COL18A1: variants seen among roughly 807,000 people sequenced by gnomAD.
COL18A1 encodes the protein collagen alpha-1(XVIII) chain.
A neutral mutation model predicts 168.0 loss-of-function variants in COL18A1; 133 were observed. The observed-to-expected ratio is 0.79, with a 90% CI of 0.69 to 0.91. COL18A1 has a LOEUF of 0.91. Among genes scored for constraint, COL18A1 ranks in the 40% least tolerant of loss-of-function variants. The pLI, the probability that COL18A1 is intolerant of heterozygous loss-of-function variation, is 0.00. For synonymous variants in COL18A1, 949 were observed against 809.0 expected, an observed-to-expected ratio of 1.17 and a Z score of -2.94; for missense variants, 2,126 against 1,925.4, an observed-to-expected ratio of 1.10 and a Z score of -1.95.
In COL18A1 at chr21:45,463,868, G is replaced by A. The variant is rs1750137688; in HGVS notation, c.107-4374G>A. 6.6e-6 allele frequency among the ~76,000 whole-genome samples: 1 copy of A among 151,808 alleles called. No individual in the cohort carries two copies. The highest frequency in any genetic ancestry group is 1.5e-5 in the Non-Finnish European group (1 of 67,988). ...GCTGAGATTGCACCACTGTACTCCA[G>A]CCTGGGCAACAAGAGCGAAACTCCA... On this transcript the variant is annotated intron_variant, in intron 2 of 41. Coordinates refer to ENST00000651438, the MANE Select transcript of COL18A1 (RefSeq NM_001379500.1). The surrounding 1 kb of genome is among the most constrained non-coding windows in gnomAD (Gnocchi z 4.0).
intron 2 of COL18A1, among the ~76,000 whole-genome samples, chr21:45,454,729 C>T (rs2034739450): frequency 1.3e-5 from 2 of 152,242 alleles, no homozygotes; most frequent in African/African-American, 4.8e-5. Context: ...GGCACAGCAG[C>T]CACTCACATG....
At chr21:45,448,739 G>T (rs181723815) in intron 2 of COL18A1, among the ~76,000 whole-genome samples, 56 of 152,358 alleles carry the variant, frequency 3.7e-4, no homozygotes, top group African/African-American at 1.3e-3. Context: ...CTTCAGATGC[G>T]CTCCATAATG....
At chr21:45,478,113 T>C (rs1667630675) in intron 8 of COL18A1, 148 bp downstream of exon 8, 1 of 751,874 alleles carries the variant, frequency 1.3e-6, no homozygotes, top group Admixed American at 2.1e-5. Flanking sequence ...TGCTCGGGGT[T>C]GGTGCTGGAA....
At chr21:45,444,592 G>A (rs1358414065) in intron 2 of COL18A1, among the ~76,000 whole-genome samples, 2 of 152,110 alleles carry the variant, frequency 1.3e-5, no homozygotes, top group African/African-American at 2.4e-5. Flanking sequence ...TGCGAGCACC[G>A]GGGGCCAGCA....
At chr21:45,501,395 C>T (rs1047896251) in intron 32 of COL18A1, among the ~76,000 whole-genome samples, 4 of 152,228 alleles carry the variant, frequency 2.6e-5, no homozygotes, top group African/African-American at 7.2e-5. Flanking sequence ...GCATCGGGAC[C>T]GGGGTCTGCC....
chr21:45,486,863 G>T lies in COL18A1; in HGVS notation c.1704G>T (p.Gly568=). 6.5e-7 allele frequency: 1 copy of T among 1,528,834 alleles called. No homozygotes were observed. The highest frequency in any genetic ancestry group is 8.8e-7 in the Non-Finnish European group (1 of 1,139,502). 94.7% of individuals were successfully genotyped at this position (1,528,834 alleles called of 1,614,324 possible). Residue 568 remains glycine (G), a splice_region_variant and synonymous_variant, in exon 16 of 42, where the codon GGG becomes GGT. Coordinates refer to ENST00000651438, the MANE Select transcript of COL18A1 (RefSeq NM_001379500.1). ...LGEAGAPGHK[G]SKGAPGPAGA... ...CACGCTCTCCTCACCCCACGCAGGG[G>T]AGCAAGGGAGCCCCCGGTCCTGCTG...
At chr21:45,508,440 T>TGAGTGGATGGGTGGCTGGATGGTGGAC (rs1568948894) in intron 38 of COL18A1, among the ~76,000 whole-genome samples, 12 of 113,426 alleles carry the variant, frequency 1.1e-4, no homozygotes, top group African/African-American at 4.8e-4. Flanking sequence ...GGATGGTGGG[T>TGAGTGGATGGGTGGCTGGATGGTGGAC]AAGTGGGTGA....
chr21:45,511,074 A>C (rs750117038), intron 40 of COL18A1, 37 bp from the exon 41 acceptor site: 13 of 790,588 alleles, frequency 1.6e-5, no homozygotes, highest in African/African-American at 1.1e-4. Flanking sequence ...CCACACCCCC[A>C]CACACCACAC....
intron 2 of COL18A1, among the ~76,000 whole-genome samples, chr21:45,453,587 T>C (rs1185528337): frequency 6.6e-6 from 1 of 151,732 alleles, no homozygotes; most frequent in African/African-American, 2.4e-5. Context: ...GCTGTGGAGG[T>C]GCTTGGAGGT....
At chr21:45,484,460 C>T (rs945241020) in intron 15 of COL18A1, among the ~76,000 whole-genome samples, 2 of 151,456 alleles carry the variant, frequency 1.3e-5, no homozygotes, top group African/African-American at 2.4e-5. Flanking sequence ...CATGTGTGCA[C>T]ACACATGCAC....
intron 38 of COL18A1, among the ~76,000 whole-genome samples, chr21:45,508,221 GGTGGATAGTGGGTAAGTGGGTGA>G (rs1277699177): frequency 6.7e-6 from 1 of 149,208 alleles, no homozygotes; most frequent in East Asian, 2.0e-4. Context: ...TGAATGGGTG[GGTGGATAGTGGGTAAGTGGGTGA>G]GTGGATGGTG....
chr21:45,459,212 A>C (rs2034958117), intron 2 of COL18A1, among the ~76,000 whole-genome samples: 1 of 152,060 alleles, frequency 6.6e-6, no homozygotes, highest in Non-Finnish European at 1.5e-5. Flanking sequence ...TCCCCAGCCC[A>C]GGCTCCTCTT....
intron 2 of COL18A1, among the ~76,000 whole-genome samples, chr21:45,450,777 C>T (rs927555387): frequency 6.6e-6 from 1 of 152,196 alleles, no homozygotes; most frequent in Non-Finnish European, 1.5e-5. Flanking sequence ...TGCATGTGAC[C>T]TCCCCACCGC....
chr21:45,415,784 G>A lies in COL18A1; in HGVS notation c.106+10311G>A, dbSNP rs148389962. ...AGTGCCATCCAGCCCAGTGCCTGGC[G>A]CTGCAGCCGGGTGGAGCCCCAGGTG... is the stretch of plus-strand genomic sequence containing the variant. On this transcript the variant is annotated intron_variant, in intron 2 of 41. Coordinates refer to ENST00000651438, the MANE Select transcript of COL18A1 (RefSeq NM_001379500.1). 3.0e-3 allele frequency among the ~76,000 whole-genome samples: 461 copies of A among 152,360 alleles called. 2 individuals carry two copies. Among genetic ancestry groups the A allele is most frequent in the African/African-American group, 0.011 (440 of 41,594 alleles).
At chr21:45,436,610 A>G (rs796141632) in intron 2 of COL18A1, among the ~76,000 whole-genome samples, 10 of 151,958 alleles carry the variant, frequency 6.6e-5, no homozygotes, top group African/African-American at 2.2e-4. Context: ...GGATGGCGGG[A>G]AAGTGCCCCA....
chr21:45,452,583 G>A (rs948475044), intron 2 of COL18A1, among the ~76,000 whole-genome samples: 1 of 151,750 alleles, frequency 6.6e-6, no homozygotes, highest in Non-Finnish European at 1.5e-5. Context: ...AAGCATGTAT[G>A]TACATGTGGG....
At chr21:45,501,053 A>G (rs1175927628) in intron 32 of COL18A1, among the ~76,000 whole-genome samples, 32 of 35,622 alleles carry the variant, frequency 9.0e-4, no homozygotes, top group African/African-American at 4.4e-3. Flanking sequence ...TTGGGTGTGT[A>G]GTGTGGGGGT....
intron 2 of COL18A1, among the ~76,000 whole-genome samples, chr21:45,409,235 C>T (rs2033215742): frequency 6.6e-6 from 1 of 152,206 alleles, no homozygotes; most frequent in African/African-American, 2.4e-5. Flanking sequence ...AGCGAGATTT[C>T]AGCGGCTGGC....
At chr21:45,455,837 C>G in intron 2 of COL18A1, 1 of 1,613,250 alleles carries the variant, frequency 6.2e-7, no homozygotes, top group African/African-American at 1.3e-5. Context: ...CCCGGACGCG[C>G]CAGAGGAGAA....
Sources: allele counts gnomAD v4.1 joint callset (sites outside exome capture counted in the v4.1 genomes callset), GRCh38; gene constraint gnomAD v4.1.1; non-coding constraint Gnocchi (gnomAD v3.1); transcripts MANE v1.5; gene names NCBI Gene and HGNC (gene_info 2026-07-23, HGNC 2026-07-21).